Variants in HK1 observed in about 807,000 individuals in gnomAD.
HK1 encodes hexokinase 1.
HK1 carries 28 observed loss-of-function variants against 91.6 expected under a neutral mutation model. The observed-to-expected ratio is 0.31, with a 90% CI of 0.23 to 0.42. The LOEUF (loss-of-function observed/expected upper bound fraction) is 0.42. Among genes scored for constraint, HK1 ranks in the 10% least tolerant of loss-of-function variants. The probability of loss-of-function intolerance (pLI) is 1.00; values close to 1 mark genes in which losing one functional copy is unlikely to be tolerated. For synonymous variants in HK1, 430 were observed against 468.1 expected (o/e 0.92, Z 1.05); for missense variants, 770 against 1,219.8 (o/e 0.63, Z 5.49).
intron 2 of HK1, among the ~76,000 whole-genome samples, chr10:69,357,112 G>A (rs1261249151): frequency 2.0e-5 from 3 of 152,242 alleles, no homozygotes; most frequent in East Asian, 3.9e-4. Context: ...AAATGGTGCA[G>A]CTGCTTTGAA....
At chr10:69,273,617 G>A (rs183285817) in intron 1 of HK1, among the ~76,000 whole-genome samples, 119 of 152,340 alleles carry the variant, frequency 7.8e-4, no homozygotes, top group African/African-American at 2.7e-3. Context: ...CTCCCAAAGC[G>A]CTGGGATTAC....
intron 2 of HK1, among the ~76,000 whole-genome samples, chr10:69,283,393 G>A (rs1369940706): frequency 6.7e-6 from 1 of 148,676 alleles, no homozygotes; most frequent in Admixed American, 6.7e-5. Context: ...GGTCAAGGCT[G>A]TAGTGAGCCC....
At chr10:69,398,142 A>G (rs942876645) in intron 16 of HK1, among the ~76,000 whole-genome samples, 2 of 152,238 alleles carry the variant, frequency 1.3e-5, no homozygotes, top group Non-Finnish European at 2.9e-5. Context: ...GAAAATTGCA[A>G]TTAACTTGAA....
At chr10:69,360,179 T>C in intron 3 of HK1, 134 bp downstream of exon 3, 1 of 842,046 alleles carries the variant, frequency 1.2e-6, no homozygotes, top group Non-Finnish European at 2.0e-6. Context: ...CATAGATGCA[T>C]ATGTAAAAGG....
intron 16 of HK1, 126 bp downstream of exon 16, chr10:69,395,231 G>A (rs74942138): frequency 0.012 from 9,649 of 792,936 alleles, 232 homozygotes; most frequent in African/African-American, 0.064. Context: ...TTTTTCCTCT[G>A]GAATAGCAGA....
intron 4 of HK1, 21 bp from the exon 5 acceptor site, chr10:69,368,515 C>A: frequency 6.2e-7 from 1 of 1,606,450 alleles, no homozygotes; most frequent in South Asian, 1.1e-5. Context: ...CTCATCCAGC[C>A]CCATCCATTC....
chr10:69,382,898 C>A, intron 10 of HK1, 107 bp downstream of exon 10: 1 of 1,047,240 alleles, frequency 9.5e-7, no homozygotes, highest in South Asian at 1.4e-5. Context: ...TGGTGATGCA[C>A]GATTTTGCCA....
intron 3 of HK1, among the ~76,000 whole-genome samples, chr10:69,363,026 G>A (rs1244643898): frequency 6.6e-6 from 1 of 152,228 alleles, no homozygotes; most frequent in Non-Finnish European, 1.5e-5. Flanking sequence ...GGGAACAGCA[G>A]TAATGACTTC....
At chr10:69,349,777 G>A (rs912669192) in intron 2 of HK1, among the ~76,000 whole-genome samples, 3 of 152,150 alleles carry the variant, frequency 2.0e-5, no homozygotes, top group Non-Finnish European at 2.9e-5. Flanking sequence ...TGTTATGGAG[G>A]GCAAGTGGGT....
intron 3 of HK1, among the ~76,000 whole-genome samples, chr10:69,291,981 G>A (rs1845316016): frequency 1.3e-5 from 2 of 152,204 alleles, no homozygotes; most frequent in African/African-American, 2.4e-5. Context: ...CTTTGGGCAT[G>A]TGGAAAACCT....
upstream of HK1, chr10:69,318,836 G>GGGAGGA: frequency 1.4e-6 from 2 of 1,458,820 alleles, no homozygotes; most frequent in Non-Finnish European, 1.8e-6. Flanking sequence ...GAGGAGCCGG[G>GGGAGGA]GGAGGAGGAG....
At chr10:69,379,087 T>C (rs1156287368) in intron 8 of HK1, among the ~76,000 whole-genome samples, 1 of 152,196 alleles carries the variant, frequency 6.6e-6, no homozygotes, top group Non-Finnish European at 1.5e-5. Context: ...ATATTCACTG[T>C]ACATTTTATT....
At chr10:69,364,068 A>T (rs1849569880) in intron 3 of HK1, among the ~76,000 whole-genome samples, 1 of 152,232 alleles carries the variant, frequency 6.6e-6, no homozygotes, top group Non-Finnish European at 1.5e-5. Context: ...GGCAGATGTA[A>T]CTGAGGGTGA....
intron 13 of HK1, among the ~76,000 whole-genome samples, chr10:69,387,051 A>G (rs1839670276): frequency 6.6e-6 from 1 of 152,160 alleles, no homozygotes; most frequent in Non-Finnish European, 1.5e-5. Flanking sequence ...CTCCTGTGGA[A>G]CACAAACAAT....
At chr10:69,335,671 G>A (rs1341013821) in intron 1 of HK1, among the ~76,000 whole-genome samples, 1 of 152,210 alleles carries the variant, frequency 6.6e-6, no homozygotes, top group Non-Finnish European at 1.5e-5. Context: ...CTCTGCTTCT[G>A]CAGACAGGAT....
At chr10:69,280,593 G>T (rs773922731) in intron 1 of HK1, among the ~76,000 whole-genome samples, 1 of 152,162 alleles carries the variant, frequency 6.6e-6, no homozygotes, top group Non-Finnish European at 1.5e-5. Flanking sequence ...GAGCCCTCAC[G>T]AATGTGATTC....
intron 7 of HK1, among the ~76,000 whole-genome samples, chr10:69,372,516 G>A (rs1356001455): frequency 2.0e-5 from 3 of 152,168 alleles, no homozygotes; most frequent in Non-Finnish European, 4.4e-5. Flanking sequence ...AGGGAAAGAC[G>A]TTTGCTCCAT....
At chr10:69,394,494 T>C (rs1014561324) in intron 15 of HK1, among the ~76,000 whole-genome samples, 4 of 152,198 alleles carry the variant, frequency 2.6e-5, no homozygotes, top group Non-Finnish European at 4.4e-5. Flanking sequence ...CCCTGGGGAC[T>C]CAGAGCTGAA....
rs199853134 is a variant in HK1, at chr10:69,320,708, C to CA, written c.63+1698_63+1699insA. 9.4e-3 allele frequency among the ~76,000 whole-genome samples: 1,424 copies of CA among 152,188 alleles called. 21 individuals are homozygous for CA. The highest frequency in any genetic ancestry group is 0.073 in the East Asian group (377 of 5,166). Reference sequence around the variant, plus strand: ...GCTGGGCTGGGGGGTGCCTGGGTGACCTTGTAAACCTCCAGTGTCCACACC... The same window carrying CA: ...GCTGGGCTGGGGGGTGCCTGGGTGACACTTGTAAACCTCCAGTGTCCACACC... On this transcript the variant is annotated intron_variant, in intron 1 of 17. Transcript: ENST00000359426.
Sources: gnomAD v4.1 joint callset for allele counts (sites outside exome capture counted in the v4.1 genomes callset) on GRCh38, gnomAD v4.1.1 for gene constraint, MANE v1.5 for transcripts, NCBI Gene and HGNC (gene_info 2026-07-23, HGNC 2026-07-21) for gene names.